GFOD1: variants seen among roughly 807,000 people sequenced by gnomAD.
GFOD1 encodes the protein glucose-fructose oxidoreductase domain-containing protein 1.
In GFOD1, 9 loss-of-function variants were observed where a neutral mutation model predicts 25.4. The ratio of observed to expected loss-of-function variants is 0.35; its 90% CI spans 0.21 to 0.62. GFOD1 has a LOEUF of 0.62. Among genes scored for constraint, GFOD1 ranks in the 20% least tolerant of loss-of-function variants. The pLI, the probability that GFOD1 is intolerant of heterozygous loss-of-function variation, is 0.72. For synonymous variants in GFOD1, 253 were observed against 245.6 expected (o/e 1.03, Z -0.28); for missense variants, 403 against 556.9 (o/e 0.72, Z 2.78).
intron 1 of GFOD1, among the ~76,000 whole-genome samples, chr6:13,480,622 A>C (rs1283345750): frequency 2.0e-5 from 3 of 152,134 alleles, no homozygotes; most frequent in Non-Finnish European, 4.4e-5. Flanking sequence ...CTCCCACCTC[A>C]GTCTCCCAAG....
intron 1 of GFOD1, among the ~76,000 whole-genome samples, chr6:13,427,568 G>T (rs1550521): frequency 0.58 from 88,596 of 151,976 alleles, 29,825 homozygotes; most frequent in Non-Finnish European, 0.74. Flanking sequence ...GGAGGATCGC[G>T]TGAGCCCAGG....
At chr6:13,470,480 G>A in intron 1 of GFOD1, 1 of 1,550,082 alleles carries the variant, frequency 6.5e-7, no homozygotes, top group Non-Finnish European at 8.7e-7. Flanking sequence ...TGTCCCCTGG[G>A]ACTCTCCAAG....
chr6:13,378,131 C>A (rs1285452771), intron 1 of GFOD1, among the ~76,000 whole-genome samples: 2 of 152,194 alleles, frequency 1.3e-5, no homozygotes, highest in African/African-American at 2.4e-5. Context: ...AGCACCATCA[C>A]CCCCATTTGT....
At chr6:13,434,758 G>A (rs1757807710) in intron 1 of GFOD1, among the ~76,000 whole-genome samples, 1 of 152,232 alleles carries the variant, frequency 6.6e-6, no homozygotes, top group Admixed American at 6.5e-5. Context: ...GGTACTCCTT[G>A]AAGACAGTAA....
At chr6:13,480,148 G>A (rs556828666) in intron 1 of GFOD1, among the ~76,000 whole-genome samples, 5 of 152,156 alleles carry the variant, frequency 3.3e-5, no homozygotes, top group Non-Finnish European at 7.3e-5. Context: ...ATTGCTCCAG[G>A]TCCTCAGCTG....
chr6:13,404,914 A>G (rs1207631019), intron 1 of GFOD1, among the ~76,000 whole-genome samples: 1 of 152,168 alleles, frequency 6.6e-6, no homozygotes, highest in East Asian at 1.9e-4. Flanking sequence ...GAGGCACCCA[A>G]TGTTTAAAAA....
At chr6:13,383,823 G>A (rs1389511367) in intron 1 of GFOD1, among the ~76,000 whole-genome samples, 2 of 152,150 alleles carry the variant, frequency 1.3e-5, no homozygotes, top group East Asian at 1.9e-4. Flanking sequence ...ACCACTTTTG[G>A]TCTGGTACTG....
intron 1 of GFOD1, among the ~76,000 whole-genome samples, chr6:13,444,418 C>T (rs1216336405): frequency 6.6e-6 from 1 of 150,902 alleles, no homozygotes; most frequent in Non-Finnish European, 1.5e-5. Flanking sequence ...GGGTACTAAG[C>T]TTAGTATCTG....
At chr6:13,366,666 A>AT (rs1014974312) in intron 1 of GFOD1, among the ~76,000 whole-genome samples, 6 of 150,010 alleles carry the variant, frequency 4.0e-5, no homozygotes, top group Non-Finnish European at 5.9e-5. Flanking sequence ...GGGGTCTCCA[A>AT]TTTTTTTTTA....
At chr6:13,446,611 C>A (rs1758006892) in intron 1 of GFOD1, among the ~76,000 whole-genome samples, 1 of 152,188 alleles carries the variant, frequency 6.6e-6, no homozygotes, top group Admixed American at 6.5e-5. Flanking sequence ...GCAGCGTCAG[C>A]AAACACACCC....
In GFOD1 at chr6:13,364,035, G is replaced by C. The variant is rs964832130; in HGVS notation, c.*708C>G. On this transcript the variant is annotated 3_prime_UTR_variant, in exon 2 of 2. Transcript: ENST00000379287. The surrounding 1 kb of genome is among the most constrained non-coding windows in gnomAD (Gnocchi z 4.1). ...TGTGCTCTTTTCTTGTGGCTCCTGGGAGTCCTGCTTTTTGCTTGCTATTTC... is the reference window on the plus strand; with the variant it reads ...TGTGCTCTTTTCTTGTGGCTCCTGGCAGTCCTGCTTTTTGCTTGCTATTTC... 2.0e-5 allele frequency: 3 copies of C among 152,180 alleles called. No individual in the cohort carries two copies. The highest frequency in any genetic ancestry group is 4.4e-5 in the Non-Finnish European group (3 of 68,084). 9.4% of individuals were successfully genotyped at this position (152,180 alleles called of 1,614,324 possible).
intron 1 of GFOD1, among the ~76,000 whole-genome samples, chr6:13,390,361 C>A (rs142940686): frequency 9.0e-4 from 137 of 152,140 alleles, no homozygotes; most frequent in African/African-American, 3.1e-3. Flanking sequence ...GAGGCCGAGG[C>A]AGGAGGATCA....
chr6:13,411,639 C>T (rs941541148), intron 1 of GFOD1, among the ~76,000 whole-genome samples: 1 of 152,168 alleles, frequency 6.6e-6, no homozygotes, highest in African/African-American at 2.4e-5. Context: ...CCGGTTTCCT[C>T]AGACGCAGTA....
intron 1 of GFOD1, among the ~76,000 whole-genome samples, chr6:13,382,266 C>T (rs1482316602): frequency 1.3e-5 from 2 of 151,960 alleles, no homozygotes; most frequent in African/African-American, 4.8e-5. Flanking sequence ...GGCTGTGTCC[C>T]CACCCAAATC....
chr6:13,368,410 A>G (rs966740357), intron 1 of GFOD1, among the ~76,000 whole-genome samples: 3 of 152,252 alleles, frequency 2.0e-5, no homozygotes, highest in African/African-American at 7.2e-5. Flanking sequence ...TGTATCGCCA[A>G]AAGTGCCACA....
chr6:13,364,428 C>T lies in GFOD1; in HGVS notation c.*315G>A, dbSNP rs9474026. 5,875 of 333,204 alleles carry T rather than the reference C, an allele frequency of 0.018. 308 individuals are homozygous for T. The highest frequency in any genetic ancestry group is 0.11 in the African/African-American group (5,361 of 48,244). The allele number at this position is 333,204 out of a possible 1,614,324, so 20.6% of individuals were successfully genotyped here. A position where few individuals can be genotyped will look rare whatever the true frequency, so the allele number is the denominator to read the frequency against. On this transcript the variant is annotated 3_prime_UTR_variant, in exon 2 of 2. Coordinates refer to ENST00000379287, the MANE Select transcript of GFOD1 (RefSeq NM_018988.4). The surrounding 1 kb of genome is among the most constrained non-coding windows in gnomAD (Gnocchi z 4.1). ...TGGATGAGGTAGGGAGGGAAGCAAC[C>T]CCTCCTTGCTTGTCACAGTAAAGGG... is the stretch of plus-strand genomic sequence containing the variant.
At chr6:13,417,393 T>A (rs1436636449) in intron 1 of GFOD1, among the ~76,000 whole-genome samples, 1 of 152,250 alleles carries the variant, frequency 6.6e-6, no homozygotes, top group Non-Finnish European at 1.5e-5. Flanking sequence ...GACCTCGTGA[T>A]CTGCCTGTCT....
intron 1 of GFOD1, among the ~76,000 whole-genome samples, chr6:13,421,816 G>A (rs1298622085): frequency 6.6e-6 from 1 of 152,196 alleles, no homozygotes; most frequent in African/African-American, 2.4e-5. Flanking sequence ...TCCTGCCTAC[G>A]GAGGATCTCT....
chr6:13,454,018 C>T (rs1258881386), intron 1 of GFOD1, among the ~76,000 whole-genome samples: 3 of 152,330 alleles, frequency 2.0e-5, no homozygotes, highest in Middle Eastern at 6.8e-3. Flanking sequence ...AGGATGAAGT[C>T]ATGAGGGTTG....
Sources: allele counts gnomAD v4.1 joint callset (sites outside exome capture counted in the v4.1 genomes callset), GRCh38; gene constraint gnomAD v4.1.1; non-coding constraint Gnocchi (gnomAD v3.1); transcripts MANE v1.5; gene names NCBI Gene and HGNC (gene_info 2026-07-23, HGNC 2026-07-21).